ACO1: variants seen among roughly 807,000 people sequenced by gnomAD.
The protein encoded by ACO1 is aconitase 1.
A neutral mutation model predicts 105.1 loss-of-function variants in ACO1; 78 were observed. The observed-to-expected ratio is 0.74, with a 90% CI of 0.62 to 0.90. The LOEUF (loss-of-function observed/expected upper bound fraction) is 0.90. Ranked by LOEUF, ACO1 falls within the 40% of genes least tolerant of loss-of-function variation. The pLI is 0.00. For missense variants in ACO1, 965 were observed against 1,111.1 expected, an observed-to-expected ratio of 0.87 and a Z score of 1.87; for synonymous variants, 364 against 397.4, an observed-to-expected ratio of 0.92 and a Z score of 1.00.
At chr9:32,397,772 G>A (rs1821402757) in intron 1 of ACO1, among the ~76,000 whole-genome samples, 1 of 152,150 alleles carries the variant, frequency 6.6e-6, no homozygotes, top group Non-Finnish European at 1.5e-5. Context: ...ATTTCAGAAG[G>A]TGTAGGAAGA....
At chr9:32,421,996 A>G (rs1048841923) in intron 8 of ACO1, among the ~76,000 whole-genome samples, 2 of 152,228 alleles carry the variant, frequency 1.3e-5, no homozygotes, top group African/African-American at 4.8e-5. Context: ...AGTTTTTATT[A>G]AATATAAACA....
intron 4 of ACO1, among the ~76,000 whole-genome samples, chr9:32,415,892 T>C (rs1821836645): frequency 1.3e-5 from 2 of 151,992 alleles, no homozygotes; most frequent in African/African-American, 4.8e-5. Context: ...CACCCCAGCC[T>C]TTAAAAATGT....
chr9:32,397,513 G>A (rs923108641), intron 1 of ACO1, among the ~76,000 whole-genome samples: 2 of 152,192 alleles, frequency 1.3e-5, no homozygotes, highest in African/African-American at 4.8e-5. Context: ...TGGCCATGAT[G>A]ATTCTGACCT....
At chr9:32,385,004 C>T (rs1821126685) in intron 1 of ACO1, among the ~76,000 whole-genome samples, 2 of 152,206 alleles carry the variant, frequency 1.3e-5, no homozygotes, top group Admixed American at 6.5e-5. Context: ...CTTGGCTGTG[C>T]GTGCTGTCCT....
intron 4 of ACO1, among the ~76,000 whole-genome samples, chr9:32,409,171 T>C (rs1378458943): frequency 1.3e-5 from 2 of 152,232 alleles, no homozygotes; most frequent in African/African-American, 4.8e-5. Flanking sequence ...CAAGGCCAGC[T>C]TAAATCTTAT....
intron 8 of ACO1, among the ~76,000 whole-genome samples, chr9:32,421,292 A>G (rs1251103468): frequency 6.6e-6 from 1 of 152,198 alleles, no homozygotes; most frequent in Admixed American, 6.5e-5. Flanking sequence ...TTTTGACATT[A>G]AACAAGTGAT....
At chr9:32,391,730 G>C (rs1821271217) in intron 1 of ACO1, among the ~76,000 whole-genome samples, 1 of 152,160 alleles carries the variant, frequency 6.6e-6, no homozygotes, top group Non-Finnish European at 1.5e-5. Context: ...TGCAAGTTGT[G>C]GCATAGTTCA....
chr9:32,447,154 A>G (rs1463905830), intron 19 of ACO1, among the ~76,000 whole-genome samples: 1 of 152,230 alleles, frequency 6.6e-6, no homozygotes, highest in Non-Finnish European at 1.5e-5. Context: ...AATATCCTGA[A>G]GAATGTTTTC....
intron 10 of ACO1, among the ~76,000 whole-genome samples, chr9:32,425,635 A>G (rs1822072872): frequency 6.6e-6 from 1 of 152,210 alleles, no homozygotes; most frequent in Admixed American, 6.5e-5. Flanking sequence ...TCAAACGAGT[A>G]ATTTTTCTGT....
At chr9:32,435,846 T>C (rs528681388) in intron 17 of ACO1, among the ~76,000 whole-genome samples, 24 of 152,372 alleles carry the variant, frequency 1.6e-4, no homozygotes, top group African/African-American at 4.8e-4. Context: ...TCCCCCTGTT[T>C]GTGGCTCCAT....
chr9:32,430,521 T>C lies in ACO1; in HGVS notation c.1673T>C (p.Ile558Thr), dbSNP rs1822203453. ...ANYLASPPLV[I>T]AYAIAGTIRI... ...TATTTAGCCTCTCCCCCCTTAGTAATAGCATATGCAATTGCTGGAACCATC... is the reference window on the plus strand; with the variant it reads ...TATTTAGCCTCTCCCCCCTTAGTAACAGCATATGCAATTGCTGGAACCATC... Residue 558 changes from isoleucine (I) to threonine (T), a missense_variant, in exon 14 of 21, where the codon ATA becomes ACA. By Grantham distance (89) the Ile-to-Thr change is moderately conservative. Transcript: ENST00000309951. 6.2e-7 allele frequency: 1 copy of C among 1,610,328 alleles called. No homozygotes were observed. Among genetic ancestry groups the C allele is most frequent in the Non-Finnish European group, 8.5e-7 (1 of 1,178,624 alleles).
chr9:32,425,262 T>G (rs1014632548), intron 10 of ACO1, among the ~76,000 whole-genome samples: 5 of 152,240 alleles, frequency 3.3e-5, no homozygotes, highest in African/African-American at 1.2e-4. Flanking sequence ...TAGCACAGTA[T>G]CTTACATGCG....
chr9:32,434,454 G>A, intron 16 of ACO1, 105 bp from the exon 17 acceptor site: 1 of 1,357,010 alleles, frequency 7.4e-7, no homozygotes, highest in Non-Finnish European at 1.0e-6. Flanking sequence ...CATTGGTGTG[G>A]AACTGTCCTC....
chr9:32,420,434 GTCTT>G (rs778730147), intron 7 of ACO1, among the ~76,000 whole-genome samples: 2 of 152,132 alleles, frequency 1.3e-5, no homozygotes, highest in East Asian at 3.8e-4. Context: ...GGCACACTTT[GTCTT>G]TCTTTTTATA....
rs1352735195 is a variant in ACO1 at position 32,440,587 on chromosome 9, G to T, written c.2370G>T (p.Leu790=). 1 of 1,613,698 alleles carries T rather than the reference G, an allele frequency of 6.2e-7. No homozygotes were observed. The highest frequency in any genetic ancestry group is 8.5e-7 in the Non-Finnish European group (1 of 1,179,784). Residue 790 remains leucine (L), a splice_region_variant and synonymous_variant, in exon 19 of 21, where the codon CTG becomes CTT. Coordinates refer to ENST00000309951, the MANE Select transcript of ACO1 (RefSeq NM_002197.3). ...RDWAAKGPFL[L]GIKAVLAESY... The stretch of plus-strand genomic sequence containing the variant: ...GGGCAGCTAAGGGCCCTTTCCTGCT[G>T]GTGAGTATGAAGTAGACATCCTAGG...
At chr9:32,405,247 A>G (rs1232216166) in intron 1 of ACO1, among the ~76,000 whole-genome samples, 2 of 152,186 alleles carry the variant, frequency 1.3e-5, no homozygotes, top group Non-Finnish European at 1.5e-5. Context: ...GCTGCTTCTC[A>G]ATCAACTGCT....
At chr9:32,414,732 T>A (rs1185940772) in intron 4 of ACO1, among the ~76,000 whole-genome samples, 1 of 151,994 alleles carries the variant, frequency 6.6e-6, no homozygotes, top group Non-Finnish European at 1.5e-5. Context: ...TATAGCAAAA[T>A]AGATGGGGAG....
At position 32,433,827 on chromosome 9, in the gene ACO1, A is replaced by C. The variant is rs769428525; in HGVS notation, c.1951A>C (p.Asn651His). The change falls in exon 16 of 21, where the codon AAC (asparagine) becomes CAC (histidine). Residue 651 changes from asparagine (N) to histidine (H), a missense_variant. Asn to His is a moderately conservative substitution (Grantham distance 68). Coordinates refer to ENST00000309951, the MANE Select transcript of ACO1 (RefSeq NM_002197.3). ...TATCAAATCACCACCATTCTTTGAA[A>C]ACCTGGTATGGCTTTTTATTTTTTA... ...TYIKSPPFFE[N>H]LTLDLQPPKS... The C allele has an allele frequency of 1.3e-6, 2 of 1,597,842 alleles. No homozygotes were observed. Among genetic ancestry groups the C allele is most frequent in the Non-Finnish European group, 1.7e-6 (2 of 1,173,484 alleles).
At chr9:32,443,876 C>CAGA (rs1244015537) in intron 19 of ACO1, among the ~76,000 whole-genome samples, 1 of 152,096 alleles carries the variant, frequency 6.6e-6, no homozygotes. Flanking sequence ...GGTACATGTG[C>CAGA]AGAATGTGCA....
Sources: gnomAD v4.1 joint callset for allele counts (sites outside exome capture counted in the v4.1 genomes callset) on GRCh38, gnomAD v4.1.1 for gene constraint, MANE v1.5 for transcripts, NCBI Gene and HGNC (gene_info 2026-07-23, HGNC 2026-07-21) for gene names.